The following CEP250 variants were observed in gnomAD, a reference collection of about 807,000 sequenced individuals.
CEP250 encodes the protein centrosomal protein 250, also known as centrosome-associated protein CEP250.
Under a neutral mutation model 315.7 loss-of-function variants are expected in CEP250, and 242 were observed. The ratio of observed to expected loss-of-function variants is 0.77; its 90% CI spans 0.69 to 0.85. The LOEUF is 0.85. Among genes scored for constraint, CEP250 ranks in the 40% least tolerant of loss-of-function variants. The probability of loss-of-function intolerance (pLI) is 0.00; values close to 1 mark genes in which losing one functional copy is unlikely to be tolerated. For missense variants in CEP250, 2,515 were observed against 2,886.4 expected, an observed-to-expected ratio of 0.87 and a Z score of 2.95; for synonymous variants, 1,088 against 1,175.0, an observed-to-expected ratio of 0.93 and a Z score of 1.51.
rs1249674724 is a variant in CEP250, at chr20:35,514,529, A to C, written c.*2903A>C. 6.6e-6 allele frequency: 1 copy of C among 152,342 alleles called. No homozygotes were observed. The highest frequency in any genetic ancestry group is 1.5e-5 in the Non-Finnish European group (1 of 68,140). 9.4% of individuals were successfully genotyped at this position (152,342 alleles called of 1,614,324 possible). On this transcript the variant is annotated 3_prime_UTR_variant, in exon 35 of 35. Coordinates refer to ENST00000397527, the MANE Select transcript of CEP250 (RefSeq NM_007186.6). ...GGGTGCTGCCCCTGTTCTCTCAAGG[A>C]TCCCACGTGCTTTGTGTGTTAGAGC... is the stretch of plus-strand genomic sequence containing the variant.
chr20:35,466,876 C>T (rs1331853866), intron 7 of CEP250, 90 bp from the exon 8 acceptor site: 2 of 780,364 alleles, frequency 2.6e-6, no homozygotes, highest in African/African-American at 1.7e-5. Flanking sequence ...CTCCTTCCTT[C>T]CCTCAGTAGT....
Position 35,497,746 on chromosome 20 carries a change from GA to G in CEP250, c.3338del (p.Lys1113ArgfsTer51). The G allele has an allele frequency of 6.4e-7, 1 of 1,557,690 alleles. No individual in the cohort carries two copies. Among genetic ancestry groups the G allele is most frequent in the Non-Finnish European group, 8.7e-7 (1 of 1,149,902 alleles). ...QMELLRQEVK[E>X]KEADFLAQEA... Reference sequence around the variant, plus strand: ...GGAATTACTAAGGCAAGAGGTGAAGGAAAAGGAGGCTGACTTTCTGGCCCAG... The same window carrying G: ...GGAATTACTAAGGCAAGAGGTGAAGGAAAGGAGGCTGACTTTCTGGCCCAG... On this transcript the variant is annotated frameshift_variant, in exon 26 of 35. Transcript: ENST00000397527. LOFTEE classifies it high-confidence loss of function.
At chr20:35,492,442 C>T (rs2063723409) in intron 22 of CEP250, among the ~76,000 whole-genome samples, 1 of 152,010 alleles carries the variant, frequency 6.6e-6, no homozygotes, top group African/African-American at 2.4e-5. Flanking sequence ...ACCCACTACA[C>T]AGTATACGTT....
At chr20:35,500,224 G>A in intron 28 of CEP250, 55 bp downstream of exon 28, 1 of 1,602,512 alleles carries the variant, frequency 6.2e-7, no homozygotes, top group Non-Finnish European at 8.5e-7. Flanking sequence ...TAGGTGGGGA[G>A]CCCAGAAGTG....
intron 11 of CEP250, among the ~76,000 whole-genome samples, 200 bp downstream of exon 11, chr20:35,472,351 G>C (rs762471336): frequency 1.2e-4 from 19 of 152,184 alleles, no homozygotes; most frequent in African/African-American, 4.1e-4. Context: ...GATGGGACAG[G>C]CCCTCTTTCC....
chr20:35,506,729 A>G (rs1312205528), intron 30 of CEP250, among the ~76,000 whole-genome samples: 1 of 152,196 alleles, frequency 6.6e-6, no homozygotes. Flanking sequence ...GCGGCTTATC[A>G]GCTGTGTAAC....
intron 20 of CEP250, among the ~76,000 whole-genome samples, chr20:35,490,388 G>T (rs1179674676): frequency 6.6e-6 from 1 of 152,134 alleles, no homozygotes; most frequent in Admixed American, 6.5e-5. Flanking sequence ...ATTGCAGTTT[G>T]GAAGGTACTT....
Position 35,493,425 on chromosome 20 carries a change from T to C in CEP250, c.2890-4T>C, listed in dbSNP as rs759259666. On this transcript the variant is annotated splice_polypyrimidine_tract_variant and splice_region_variant and intron_variant, in intron 22 of 34. Coordinates refer to ENST00000397527, the MANE Select transcript of CEP250 (RefSeq NM_007186.6). Reference sequence around the variant, plus strand: ...CTACTCAATGATTTCTTATCCCTCTTCAGGAGACCACTGGGATACTACAGA... The same window carrying C: ...CTACTCAATGATTTCTTATCCCTCTCCAGGAGACCACTGGGATACTACAGA... 9 of 1,577,908 alleles carry C rather than the reference T, an allele frequency of 5.7e-6. No homozygotes were observed. Among genetic ancestry groups the C allele is most frequent in the Non-Finnish European group, 7.7e-6 (9 of 1,166,064 alleles).
At chr20:35,472,556 C>T in intron 11 of CEP250, 117 bp from the exon 12 acceptor site, 1 of 1,057,454 alleles carries the variant, frequency 9.5e-7, no homozygotes, top group Non-Finnish European at 1.4e-6. Flanking sequence ...CTCCTTCCCC[C>T]AGGGGAGAGG....
chr20:35,480,590 CTTTTTT>C (rs559422487), intron 20 of CEP250, among the ~76,000 whole-genome samples: 4 of 122,164 alleles, frequency 3.3e-5, no homozygotes, highest in African/African-American at 1.3e-4. Context: ...TTTTTTATAT[CTTTTTT>C]TTTTTTTTTT....
intron 15 of CEP250, chr20:35,476,237 T>C: frequency 4.4e-6 from 2 of 451,164 alleles, no homozygotes; most frequent in Middle Eastern, 6.2e-4. Flanking sequence ...ATCATAGTCA[T>C]TTCTCTATCC....
At chr20:35,496,184 G>T (rs953534904) in intron 24 of CEP250, among the ~76,000 whole-genome samples, 3 of 151,846 alleles carry the variant, frequency 2.0e-5, no homozygotes, top group African/African-American at 7.3e-5. Context: ...GAAGAATAAG[G>T]TTGATAGCTA....
chr20:35,462,337 G>T lies in CEP250; in HGVS notation c.-31G>T. The T allele has an allele frequency of 6.5e-7, 1 of 1,541,860 alleles. No homozygotes were observed. Among genetic ancestry groups the T allele is most frequent in the East Asian group, 2.4e-5 (1 of 41,338 alleles). On this transcript the variant is annotated 5_prime_UTR_variant, in exon 4 of 35. The change creates a new upstream start codon in the 5' untranslated region. Transcript: ENST00000397527. ...GGCGTGAACACCCTCTGGCTACCTA[G>T]GGACCTGTGGGCCTACCACCTGGTG...
chr20:35,472,210 A>C, intron 11 of CEP250, 59 bp downstream of exon 11: 1 of 996,800 alleles, frequency 1.0e-6, no homozygotes, highest in Non-Finnish European at 1.6e-6. Context: ...CCAGGTCTCC[A>C]TGTCCTTTCA....
chr20:35,503,115 G>C lies in CEP250; in HGVS notation c.4746G>C (p.Gln1582His). ...QQKLIKELEGQRETQRVALTH... is the reference protein window; with the variant it reads ...QQKLIKELEGHRETQRVALTH... ...AACTGATCAAGGAGCTGGAGGGCCA[G>C]AGGGAAACCCAGAGAGTGGCTTTGA... Residue 1582 changes from glutamine to histidine, a missense_variant, in exon 30 of 35, where the codon CAG (glutamine) becomes CAC (histidine). Physicochemically the swap from Gln to His is conservative, Grantham distance 24 (BLOSUM62 0). Coordinates refer to ENST00000397527, the MANE Select transcript of CEP250 (RefSeq NM_007186.6). This position sits in a 1 kb window ranked among gnomAD's most constrained non-coding sequence, Gnocchi z 4.2. The C allele has an allele frequency of 1.2e-6, 2 of 1,614,208 alleles. No individual in the cohort carries two copies. Among genetic ancestry groups the C allele is most frequent in the Non-Finnish European group, 1.7e-6 (2 of 1,180,036 alleles).
intron 13 of CEP250, 116 bp from the exon 14 acceptor site, chr20:35,473,754 G>A: frequency 9.1e-7 from 1 of 1,093,130 alleles, no homozygotes; most frequent in East Asian, 2.6e-5. Flanking sequence ...AAAAAGTTTC[G>A]CACTAGAAAC....
intron 11 of CEP250, 132 bp downstream of exon 11, chr20:35,472,283 G>A (rs951076577): frequency 1.1e-5 from 7 of 652,188 alleles, no homozygotes; most frequent in African/African-American, 7.3e-5. Flanking sequence ...GATGAGTTTT[G>A]TGTGTTTGAA....
intron 14 of CEP250, among the ~76,000 whole-genome samples, chr20:35,475,081 G>T (rs899251647): frequency 7.2e-5 from 11 of 152,172 alleles, no homozygotes; most frequent in Non-Finnish European, 1.6e-4. Flanking sequence ...GCATGTGCCT[G>T]TAGCCATGGC....
Position 35,467,348 on chromosome 20 carries a change from C to A in CEP250, c.644C>A (p.Ser215Tyr). The change falls in exon 9 of 35, where the codon TCT becomes TAT. Residue 215 changes from serine to tyrosine, a missense_variant. By Grantham distance (144) the Ser-to-Tyr change is moderately radical. Coordinates refer to ENST00000397527, the MANE Select transcript of CEP250 (RefSeq NM_007186.6). ...LKAEHVRLSG[S>Y]LLTCCLRLTV... Reference sequence around the variant, plus strand: ...GCTGAGCATGTGAGGCTTTCAGGGTCTCTGTTGACCTGTTGTCTGCGCTTG... The same window carrying A: ...GCTGAGCATGTGAGGCTTTCAGGGTATCTGTTGACCTGTTGTCTGCGCTTG... The A allele has an allele frequency of 6.2e-7, 1 of 1,614,090 alleles. No individual in the cohort carries two copies. Among genetic ancestry groups the A allele is most frequent in the Non-Finnish European group, 8.5e-7 (1 of 1,179,980 alleles).
Sources: allele counts gnomAD v4.1 joint callset (sites outside exome capture counted in the v4.1 genomes callset), GRCh38; gene constraint gnomAD v4.1.1; non-coding constraint Gnocchi (gnomAD v3.1); transcripts MANE v1.5; gene names NCBI Gene and HGNC (gene_info 2026-07-23, HGNC 2026-07-21).